Variants in TM2D3 observed in about 807,000 individuals in gnomAD.
The protein encoded by TM2D3 is TM2 domain containing 3.
A neutral mutation model predicts 27.3 loss-of-function variants in TM2D3; 33 were observed. The ratio of observed to expected loss-of-function variants is 1.21; its 90% CI spans 0.92 to 1.61. The LOEUF is 1.61. TM2D3 is among the 40% of genes most tolerant of loss of function. The probability of loss-of-function intolerance (pLI) is 0.00; values close to 1 mark genes in which losing one functional copy is unlikely to be tolerated. For synonymous variants in TM2D3, 138 were observed against 122.2 expected (o/e 1.13, Z -0.85); for missense variants, 364 against 320.8 (o/e 1.13, Z -1.03).
At position 101,642,181 on chromosome 15, in the gene TM2D3, T is replaced by G. The variant is rs1389171922; in HGVS notation, c.*298A>C. 1.8e-5 allele frequency: 19 copies of G among 1,050,272 alleles called. No homozygotes were observed. Among genetic ancestry groups the G allele is most frequent in the Non-Finnish European group, 2.1e-5 (18 of 872,506 alleles). The allele number at this position is 1,050,272 out of a possible 1,614,324, so 65.1% of individuals were successfully genotyped here. On this transcript the variant is annotated 3_prime_UTR_variant, in exon 6 of 6. Coordinates refer to ENST00000333202, the MANE Select transcript of TM2D3 (RefSeq NM_078474.3). ...GGAGATACAAGTGATGTAGTTTGAC[T>G]TGGGCAATACAAAACAAAAGTCATA...
intron 3 of TM2D3, among the ~76,000 whole-genome samples, chr15:101,648,827 C>A (rs1005779185): frequency 8.2e-5 from 12 of 146,996 alleles, no homozygotes; most frequent in African/African-American, 3.2e-4. Flanking sequence ...ATGAGCAATG[C>A]AGCTAAAAAA....
At chr15:101,633,558 T>C in exon 5 of TM2D3, 1 of 800,334 alleles carries the variant, frequency 1.2e-6, no homozygotes, top group East Asian at 2.8e-5. Context: ...TCAGACCATC[T>C]TTCTTCTTCA....
intron 4 of TM2D3, chr15:101,633,974 C>A: frequency 2.7e-6 from 1 of 370,572 alleles, no homozygotes; most frequent in Admixed American, 4.5e-5. Flanking sequence ...ACTCTTAATA[C>A]AAATAGAAAG....
downstream of TM2D3, among the ~76,000 whole-genome samples, chr15:101,637,364 G>T (rs1369757932): frequency 6.6e-6 from 1 of 152,186 alleles, no homozygotes; most frequent in Non-Finnish European, 1.5e-5. Context: ...ATTCTCTGCT[G>T]TGTCAGGGAA....
At chr15:101,652,195 G>A (rs951845940) in intron 1 of TM2D3, 76 bp downstream of exon 1, 2 of 1,351,590 alleles carry the variant, frequency 1.5e-6, no homozygotes, top group Non-Finnish European at 2.1e-6. Context: ...CCGCCCGTGG[G>A]CCCGGCCTCC....
In TM2D3 at chr15:101,650,018, A is replaced by G. The variant is rs1240106769; in HGVS notation, c.313T>C (p.Ser105Pro). ...GCAGTACTTACAACACAGGTAACAG[A>G]TGGTTTCACTGCACAGTCAAAAGTG... ...PVTFDCAVKPSVTCVDQDFKS... is the reference protein window; with the variant it reads ...PVTFDCAVKPPVTCVDQDFKS... Residue 105 changes from serine to proline, a missense_variant, in exon 3 of 6, where the codon TCT becomes CCT. By Grantham distance (74) the Ser-to-Pro change is moderately conservative (BLOSUM62 -1). Coordinates refer to ENST00000333202, the MANE Select transcript of TM2D3 (RefSeq NM_078474.3). 5.0e-6 allele frequency: 8 copies of G among 1,613,974 alleles called. No homozygotes were observed. The highest frequency in any genetic ancestry group is 1.7e-5 in the Admixed American group (1 of 59,970).
At chr15:101,641,475 T>C (rs936445092), downstream of TM2D3, among the ~76,000 whole-genome samples, 7 of 152,230 alleles carry the variant, frequency 4.6e-5, no homozygotes, top group Non-Finnish European at 1.0e-4. Context: ...GAATGAAATA[T>C]GCAGATATTT....
chr15:101,638,333 T>C (rs942801399), downstream of TM2D3, among the ~76,000 whole-genome samples: 3 of 152,010 alleles, frequency 2.0e-5, no homozygotes, highest in Non-Finnish European at 4.4e-5. Context: ...TCGCTCTTGT[T>C]GCCCAGGCTG....
intron 2 of TM2D3, chr15:101,651,457 A>C: frequency 2.1e-6 from 1 of 484,064 alleles, no homozygotes; most frequent in Non-Finnish European, 3.7e-6. Context: ...AATAGAAATA[A>C]GGTGACAAAT....
At chr15:101,634,578 C>T (rs2141354981) in intron 4 of TM2D3, 1 of 152,302 alleles carries the variant, frequency 6.6e-6, no homozygotes, top group East Asian at 1.9e-4. Flanking sequence ...CTGAAAAATA[C>T]TATCAAGCAA....
At chr15:101,650,263 C>T in intron 2 of TM2D3, 102 bp from the exon 3 acceptor site, 1 of 1,199,732 alleles carries the variant, frequency 8.3e-7, no homozygotes, top group Non-Finnish European at 1.2e-6. Flanking sequence ...CAAGTAGACA[C>T]TGCACTGGAA....
Position 101,652,375 on chromosome 15 carries a change from G to C in TM2D3, c.-14C>G. 2 of 1,583,032 alleles carry C rather than the reference G, an allele frequency of 1.3e-6. No homozygotes were observed. Among genetic ancestry groups the C allele is most frequent in the East Asian group, 4.7e-5 (2 of 42,116 alleles). On this transcript the variant is annotated 5_prime_UTR_variant, in exon 1 of 6. Coordinates refer to ENST00000333202, the MANE Select transcript of TM2D3 (RefSeq NM_078474.3). Reference sequence around the variant, plus strand: ...CCCTCCCGCCATCTTGCCAGCGCCTGCGCACTTCCGGGCCGGGGGGCGGGG... The same window carrying C: ...CCCTCCCGCCATCTTGCCAGCGCCTCCGCACTTCCGGGCCGGGGGGCGGGG...
intron 5 of TM2D3, among the ~76,000 whole-genome samples, chr15:101,643,603 A>T (rs1896726000): frequency 1.6e-5 from 2 of 128,074 alleles, no homozygotes; most frequent in African/African-American, 2.9e-5. Context: ...CTCCGTTAAA[A>T]AAAAAAAAAA....
chr15:101,641,133 C>T (rs1001499074), downstream of TM2D3, among the ~76,000 whole-genome samples: 7 of 152,158 alleles, frequency 4.6e-5, no homozygotes, highest in Admixed American at 4.6e-4. Context: ...AAGAAAAGAT[C>T]GTCTTCTAAA....
chr15:101,651,468 G>A (rs1454757170), intron 2 of TM2D3: 3 of 500,884 alleles, frequency 6.0e-6, no homozygotes, highest in African/African-American at 3.9e-5. Context: ...GGTGACAAAT[G>A]AGCGTGGGAT....
At chr15:101,646,614 T>G (rs1218138666) in intron 4 of TM2D3, 111 bp downstream of exon 4, 10 of 1,148,334 alleles carry the variant, frequency 8.7e-6, no homozygotes, top group Non-Finnish European at 1.0e-5. Context: ...AAAGAGCTGC[T>G]GATAAATGTT....
chr15:101,639,832 T>C (rs1008812508), downstream of TM2D3, among the ~76,000 whole-genome samples: 7 of 152,132 alleles, frequency 4.6e-5, no homozygotes, highest in African/African-American at 1.7e-4. Flanking sequence ...CTTCAAAACC[T>C]TGAGGACACC....
At position 101,643,599 on chromosome 15, in the gene TM2D3, TAAAAAAAAAAAAAAAAAAAAAAAGCA is replaced by T. The variant is rs1191839127; in HGVS notation, c.579-981_579-956del. On this transcript the variant is annotated intron_variant, in intron 5 of 5. Transcript: ENST00000333202. Reference sequence around the variant, plus strand: ...CCTGGGTGACAGAGAGAGACTCCGTTAAAAAAAAAAAAAAAAAAAAAAAGCAAAAAAAAAAAAAAACCATGTTGAGT... The same window carrying T: ...CCTGGGTGACAGAGAGAGACTCCGTTAAAAAAAAAAAAAACCATGTTGAGT... Among the ~76,000 whole-genome samples, 37 of 47,332 alleles carry T rather than the reference TAAAAAAAAAAAAAAAAAAAAAAAGCA, an allele frequency of 7.8e-4. 1 individual carries two copies. The highest frequency in any genetic ancestry group is 4.0e-3 in the East Asian group (8 of 2,006). The allele number at this position is 47,332 out of a possible 152,430, so 31.1% of individuals were successfully genotyped here.
intron 5 of TM2D3, 106 bp downstream of exon 5, chr15:101,644,976 CGTGGT>C: frequency 3.3e-6 from 3 of 921,090 alleles, no homozygotes; most frequent in Non-Finnish European, 5.1e-6. Flanking sequence ...GTCTAACACA[CGTGGT>C]AGGATCTGAG....
Sources: gnomAD v4.1 joint callset for allele counts (sites outside exome capture counted in the v4.1 genomes callset) on GRCh38, gnomAD v4.1.1 for gene constraint, MANE v1.5 for transcripts, NCBI Gene and HGNC (gene_info 2026-07-23, HGNC 2026-07-21) for gene names.